The following SLIT2 variants were observed in gnomAD, a reference collection of about 807,000 sequenced individuals.
The protein encoded by SLIT2 is slit homolog 2 protein.
SLIT2 carries 41 observed loss-of-function variants against 185.7 expected under a neutral mutation model. The observed-to-expected ratio is 0.22, with a 90% CI of 0.17 to 0.29. The LOEUF is 0.29. SLIT2 is among the 10% of genes least tolerant of loss of function. The pLI is 1.00. For synonymous variants in SLIT2, 693 were observed against 680.2 expected (o/e 1.02, Z -0.29); for missense variants, 1,571 against 1,909.0 (o/e 0.82, Z 3.30).
In SLIT2 at chr4:20,253,806, G is replaced by T. The variant is rs1345889474; in HGVS notation, c.-10G>T. On this transcript the variant is annotated 5_prime_UTR_variant, in exon 1 of 37. Transcript: ENST00000504154. ...CCCAGTGCCGGCGAGGAAGGAGGCGGCGGGGAAAGATGCGCGGCGTTGGCT... is the reference window on the plus strand; with the variant it reads ...CCCAGTGCCGGCGAGGAAGGAGGCGTCGGGGAAAGATGCGCGGCGTTGGCT... The T allele has an allele frequency of 2.5e-6, 4 of 1,597,490 alleles. No individual in the cohort carries two copies. Among genetic ancestry groups the T allele is most frequent in the Non-Finnish European group, 3.4e-6 (4 of 1,178,676 alleles).
At chr4:20,609,873 T>C (rs1729079106) in intron 33 of SLIT2, 140 bp from the exon 34 acceptor site, 1 of 679,494 alleles carries the variant, frequency 1.5e-6, no homozygotes, top group South Asian at 3.4e-5. Flanking sequence ...TGAAAAAAAA[T>C]TCAACTACTC....
intron 4 of SLIT2, among the ~76,000 whole-genome samples, chr4:20,328,006 G>A (rs1719742842): frequency 6.6e-6 from 1 of 151,944 alleles, no homozygotes; most frequent in South Asian, 2.1e-4. Context: ...AATAAGTTAC[G>A]CAATGGGAGA....
intron 29 of SLIT2, among the ~76,000 whole-genome samples, chr4:20,582,622 A>T (rs1176838240): frequency 6.6e-6 from 1 of 152,144 alleles, no homozygotes; most frequent in Non-Finnish European, 1.5e-5. Flanking sequence ...AACTAGTATG[A>T]ATTTCTTTTT....
chr4:20,430,416 T>C (rs1167444372), intron 4 of SLIT2, among the ~76,000 whole-genome samples: 1 of 152,212 alleles, frequency 6.6e-6, no homozygotes, highest in African/African-American at 2.4e-5. Flanking sequence ...TGTTTTCTCA[T>C]GTGGCCTCTC....
intron 21 of SLIT2, 36 bp downstream of exon 21, chr4:20,542,662 C>T: frequency 1.2e-6 from 2 of 1,605,256 alleles, no homozygotes; most frequent in Non-Finnish European, 1.7e-6. Context: ...TTTTCTTTTT[C>T]CTTGATGATA....
intron 4 of SLIT2, among the ~76,000 whole-genome samples, chr4:20,326,746 CTTTTTT>C (rs59509608): frequency 4.0e-4 from 22 of 54,728 alleles, no homozygotes; most frequent in South Asian, 1.1e-3. Flanking sequence ...ATTCTGAAAC[CTTTTTT>C]TTTTTTTTTT....
At chr4:20,479,801 A>C (rs948676050) in intron 5 of SLIT2, among the ~76,000 whole-genome samples, 5 of 152,192 alleles carry the variant, frequency 3.3e-5, no homozygotes, top group African/African-American at 1.2e-4. Context: ...TTAACAAATA[A>C]GTGCTTAAGA....
intron 4 of SLIT2, 41 bp downstream of exon 4, chr4:20,268,922 CT>C (rs1713312722): frequency 1.7e-6 from 2 of 1,197,678 alleles, no homozygotes; most frequent in African/African-American, 1.5e-5. Context: ...TGGGTAGTAC[CT>C]TGTGTTTTAT....
chr4:20,564,720 A>G (rs1471197437), intron 26 of SLIT2, among the ~76,000 whole-genome samples: 1 of 151,896 alleles, frequency 6.6e-6, no homozygotes, highest in Non-Finnish European at 1.5e-5. Flanking sequence ...TGCCACAATC[A>G]GTTCAGCAGG....
rs545373200 is a variant in SLIT2, at chr4:20,452,284, T to C, written c.396-15468T>C. 1.8e-3 allele frequency among the ~76,000 whole-genome samples: 278 copies of C among 152,344 alleles called. 1 individual carries two copies. Among genetic ancestry groups the C allele is most frequent in the South Asian group, 0.018 (85 of 4,834 alleles). On this transcript the variant is annotated intron_variant, in intron 4 of 36. Transcript: ENST00000504154. ...CTGGCATCTCCCTATACTTGTTAAA[T>C]GCTTGGGGCAAATGTGTTCATCTTT...
chr4:20,513,736 T>TGG (rs112347721), intron 11 of SLIT2, among the ~76,000 whole-genome samples: 1,684 of 151,780 alleles, frequency 0.011, 42 homozygotes, highest in African/African-American at 0.039. Context: ...TAGCTGTGGT[T>TGG]GGCGGGGGGA....
rs201437147 is a variant in SLIT2, at chr4:20,354,217, C to CTT, written c.395+85346_395+85347dup. Among the ~76,000 whole-genome samples the CTT allele has an allele frequency of 7.1e-3, 1,022 of 144,150 alleles. 22 individuals carry two copies. Among genetic ancestry groups the CTT allele is most frequent in the African/African-American group, 0.024 (965 of 39,704 alleles). 94.6% of individuals were successfully genotyped at this position (144,150 alleles called of 152,430 possible). ...TAAGACGGAAAGGTAGGTTTTTTTT[C>CTT]TTTTTTTTTTTAACTTTTCCTTTCT... On this transcript the variant is annotated intron_variant, in intron 4 of 36. Coordinates refer to ENST00000504154, the MANE Select transcript of SLIT2 (RefSeq NM_004787.4).
intron 4 of SLIT2, among the ~76,000 whole-genome samples, chr4:20,443,932 GAA>G (rs1729960815): frequency 6.6e-6 from 1 of 152,176 alleles, no homozygotes; most frequent in East Asian, 1.9e-4. Context: ...ATGCTGGATT[GAA>G]AAGTCTACTG....
At chr4:20,365,695 G>A (rs1008118288) in intron 4 of SLIT2, among the ~76,000 whole-genome samples, 29 of 152,058 alleles carry the variant, frequency 1.9e-4, no homozygotes, top group African/African-American at 7.0e-4. Flanking sequence ...TGGGGACTGG[G>A]CCAGTGAAAG....
chr4:20,338,596 G>A (rs1720703391), intron 4 of SLIT2, among the ~76,000 whole-genome samples: 1 of 152,174 alleles, frequency 6.6e-6, no homozygotes. Context: ...GACACAAACA[G>A]TGAAGCTTAT....
chr4:20,589,315 G>GA (rs1197042196), intron 29 of SLIT2, among the ~76,000 whole-genome samples: 4 of 151,862 alleles, frequency 2.6e-5, no homozygotes, highest in Non-Finnish European at 4.4e-5. Context: ...TATATATCAA[G>GA]AAAAAAAATC....
chr4:20,441,819 T>C (rs534534041), intron 4 of SLIT2, among the ~76,000 whole-genome samples: 23 of 152,280 alleles, frequency 1.5e-4, no homozygotes, highest in African/African-American at 5.5e-4. Context: ...AACTTTATAC[T>C]TTAACCATTT....
In SLIT2 at chr4:20,610,103, C is replaced by T. The variant is rs574974315; in HGVS notation, c.3783C>T (p.Pro1261=). 1 of 1,613,740 alleles carries T rather than the reference C, an allele frequency of 6.2e-7. No homozygotes were observed. The highest frequency in any genetic ancestry group is 1.3e-5 in the African/African-American group (1 of 75,034). ...CTTTGTCCGTGGATGGTGGGAACCC[C>T]AAAATCATCACTAACTTGTCAAAGC... The part of the protein sequence containing the change: ...SLSLSVDGGN[P]KIITNLSKQS... The change falls in exon 34 of 37, where the codon CCC becomes CCT. Residue 1261 remains proline (P), a synonymous_variant. Transcript: ENST00000504154.
chr4:20,534,699 C>T (rs1169687686), intron 18 of SLIT2, among the ~76,000 whole-genome samples: 1 of 152,122 alleles, frequency 6.6e-6, no homozygotes, highest in East Asian at 1.9e-4. Flanking sequence ...CTGCCCCGCA[C>T]AGCCTGTGAG....
Sources: allele counts gnomAD v4.1 joint callset (sites outside exome capture counted in the v4.1 genomes callset), GRCh38; gene constraint gnomAD v4.1.1; transcripts MANE v1.5; gene names NCBI Gene and HGNC (gene_info 2026-07-23, HGNC 2026-07-21).